Variants in SMOC2 observed in about 807,000 individuals in gnomAD.
The protein encoded by SMOC2 is SPARC-related modular calcium-binding protein 2.
A neutral mutation model predicts 61.4 loss-of-function variants in SMOC2; 39 were observed. The observed-to-expected ratio is 0.64, with a 90% confidence interval of 0.49 to 0.83. SMOC2 has a LOEUF of 0.83. SMOC2 is among the 40% of genes least tolerant of loss of function. The pLI is 0.00. For missense variants in SMOC2, 556 were observed against 592.9 expected, an observed-to-expected ratio of 0.94 and a Z score of 0.65; for synonymous variants, 247 against 239.9, an observed-to-expected ratio of 1.03 and a Z score of -0.27.
intron 2 of SMOC2, among the ~76,000 whole-genome samples, chr6:168,521,037 G>A (rs951972380): frequency 6.6e-6 from 1 of 152,192 alleles, no homozygotes; most frequent in Admixed American, 6.5e-5. Context: ...GCAAAGTAGG[G>A]AATTATTTGC....
At chr6:168,504,595 G>C (rs1289579119) in intron 1 of SMOC2, among the ~76,000 whole-genome samples, 1 of 152,030 alleles carries the variant, frequency 6.6e-6, no homozygotes, top group Non-Finnish European at 1.5e-5. Flanking sequence ...GATGAATACA[G>C]GGTTGGGGAC....
intron 9 of SMOC2, among the ~76,000 whole-genome samples, chr6:168,639,046 A>G (rs753632178): frequency 6.6e-6 from 1 of 152,122 alleles, no homozygotes; most frequent in Non-Finnish European, 1.5e-5. Context: ...CAAATTTAAA[A>G]CAAACAGACC....
At chr6:168,666,086 T>G (rs1259853416) in intron 12 of SMOC2, among the ~76,000 whole-genome samples, 2 of 152,178 alleles carry the variant, frequency 1.3e-5, no homozygotes, top group East Asian at 1.9e-4. Context: ...ATTTGAAGCA[T>G]AAGTTATATT....
At chr6:168,638,169 C>T (rs910895050) in intron 9 of SMOC2, among the ~76,000 whole-genome samples, 17 of 152,260 alleles carry the variant, frequency 1.1e-4, no homozygotes, top group South Asian at 2.1e-4. Flanking sequence ...CATGGGACAC[C>T]GTTCAGCTGA....
chr6:168,546,424 A>ATG (rs1459913800), intron 5 of SMOC2, among the ~76,000 whole-genome samples: 1 of 152,026 alleles, frequency 6.6e-6, no homozygotes, highest in Non-Finnish European at 1.5e-5. Flanking sequence ...AGGGGGCCCA[A>ATG]TGTGTGTGTG....
intron 11 of SMOC2, among the ~76,000 whole-genome samples, chr6:168,658,999 GGTGT>G (rs1244981467): frequency 7.0e-6 from 1 of 142,936 alleles, no homozygotes; most frequent in African/African-American, 2.6e-5. Context: ...GTAAATATGG[GGTGT>G]GTGTGTTTAT....
intron 7 of SMOC2, among the ~76,000 whole-genome samples, chr6:168,569,649 GC>G (rs1255846409): frequency 6.6e-6 from 1 of 152,108 alleles, no homozygotes; most frequent in African/African-American, 2.4e-5. Flanking sequence ...TGGCCATGTT[GC>G]CCAGGGTGGT....
chr6:168,637,053 G>A (rs546180148), intron 9 of SMOC2, among the ~76,000 whole-genome samples: 3 of 151,562 alleles, frequency 2.0e-5, no homozygotes, highest in South Asian at 2.1e-4. Flanking sequence ...CAATCCAGAC[G>A]TAGATGTGAG....
chr6:168,656,079 C>T (rs941300532), intron 11 of SMOC2, among the ~76,000 whole-genome samples: 2 of 152,258 alleles, frequency 1.3e-5, no homozygotes, highest in Non-Finnish European at 2.9e-5. Context: ...TTGTGTAATA[C>T]TTGCTGGGTA....
chr6:168,623,418 C>T (rs911783450), intron 9 of SMOC2, among the ~76,000 whole-genome samples: 4 of 150,264 alleles, frequency 2.7e-5, no homozygotes, highest in African/African-American at 9.8e-5. Flanking sequence ...GCAACCTTCC[C>T]GGGTTCAAGC....
intron 7 of SMOC2, among the ~76,000 whole-genome samples, chr6:168,554,198 T>C (rs1179801389): frequency 6.6e-6 from 1 of 152,362 alleles, no homozygotes; most frequent in South Asian, 2.1e-4. Flanking sequence ...GAGGCTGCCA[T>C]CATGTTGTTT....
At chr6:168,481,990 A>G (rs1290097465) in intron 1 of SMOC2, among the ~76,000 whole-genome samples, 1 of 151,904 alleles carries the variant, frequency 6.6e-6, no homozygotes, top group Admixed American at 6.6e-5. Flanking sequence ...ACTGAAAAAT[A>G]AGAACAAGCT....
chr6:168,480,693 G>T (rs1471989217), intron 1 of SMOC2, among the ~76,000 whole-genome samples: 1 of 152,024 alleles, frequency 6.6e-6, no homozygotes, highest in Non-Finnish European at 1.5e-5. Context: ...AGAGTAAGAG[G>T]CAGAGAGAAT....
chr6:168,582,877 G>A lies in SMOC2; in HGVS notation c.638-15941G>A, dbSNP rs762666058. ...TCCTGACAGTGGCCTTGCCCCTCCC[G>A]GTTTTTATCTTTCTTGAACCCACTC... On this transcript the variant is annotated intron_variant, in intron 7 of 12. Transcript: ENST00000356284. Among the ~76,000 whole-genome samples the A allele has an allele frequency of 3.0e-4, 45 of 152,090 alleles. 1 individual carries two copies. Among genetic ancestry groups the A allele is most frequent in the Admixed American group, 1.4e-3 (22 of 15,276 alleles).
At chr6:168,565,219 T>C (rs1354922899) in intron 7 of SMOC2, among the ~76,000 whole-genome samples, 2 of 152,220 alleles carry the variant, frequency 1.3e-5, no homozygotes, top group Non-Finnish European at 2.9e-5. Context: ...GAATACGGTG[T>C]ATTAATCAGC....
intron 9 of SMOC2, among the ~76,000 whole-genome samples, chr6:168,638,888 C>T (rs1485706589): frequency 3.3e-5 from 5 of 152,180 alleles, no homozygotes; most frequent in African/African-American, 1.2e-4. Context: ...GAAACAAATG[C>T]ACTTTTAAAA....
At chr6:168,653,306 T>C (rs1415934504) in intron 11 of SMOC2, 78 bp downstream of exon 11, 2 of 1,505,864 alleles carry the variant, frequency 1.3e-6, no homozygotes, top group African/African-American at 2.8e-5. Context: ...ACAAACACAA[T>C]TACAGATTGT....
At chr6:168,465,733 A>G (rs1485161097) in intron 1 of SMOC2, among the ~76,000 whole-genome samples, 3 of 135,262 alleles carry the variant, frequency 2.2e-5, no homozygotes, top group African/African-American at 8.6e-5. Context: ...TGCTGCTCTG[A>G]GAGCTGGAAC....
chr6:168,552,439 A>G (rs76787663), intron 7 of SMOC2, among the ~76,000 whole-genome samples: 1 of 88,488 alleles, frequency 1.1e-5, no homozygotes, highest in East Asian at 4.8e-4. Context: ...TTTTTTATTA[A>G]AAAGGCCAAA....
Sources: allele counts gnomAD v4.1 joint callset (sites outside exome capture counted in the v4.1 genomes callset), GRCh38; gene constraint gnomAD v4.1.1; transcripts MANE v1.5; gene names NCBI Gene and HGNC (gene_info 2026-07-23, HGNC 2026-07-21).